The following CARMIL3 variants were observed in gnomAD, a reference collection of about 807,000 sequenced individuals.
CARMIL3 encodes the protein capping protein, Arp2/3 and myosin-I linker protein 3.
CARMIL3 carries 88 observed loss-of-function variants against 180.8 expected under a neutral mutation model. That is an observed-to-expected ratio of 0.49 (90% CI 0.41 to 0.58). The LOEUF (loss-of-function observed/expected upper bound fraction) is 0.58. CARMIL3 is among the 20% of genes least tolerant of loss of function. The probability of loss-of-function intolerance (pLI) is 0.00; values close to 1 mark genes in which losing one functional copy is unlikely to be tolerated. For synonymous variants in CARMIL3, 696 were observed against 714.5 expected (o/e 0.97, Z 0.41); for missense variants, 1,548 against 1,787.0 (o/e 0.87, Z 2.41).
intron 36 of CARMIL3, among the ~76,000 whole-genome samples, chr14:24,067,295 G>C (rs552368341): frequency 1.3e-5 from 2 of 152,344 alleles, no homozygotes; most frequent in South Asian, 4.1e-4. Context: ...AGCACCTTCC[G>C]CTTAGGGAGC....
chr14:24,058,745 G>A lies in CARMIL3; in HGVS notation c.1458G>A (p.Leu486=), dbSNP rs1481611148. ...QLGAVTCVGS[L]DLSDNGFDSD... ...GAGCTGTCACCTGTGTAGGCAGCCT[G>A]GATCTGTCAGACAATGGTGAGTAGT... Residue 486 remains leucine (L), a synonymous_variant, in exon 18 of 40, where the codon CTG becomes CTA. Transcript: ENST00000342740. This position sits in a 1 kb window ranked among gnomAD's most constrained non-coding sequence, Gnocchi z 6.4. 1 of 1,614,152 alleles carries A rather than the reference G, an allele frequency of 6.2e-7. No homozygotes were observed. The highest frequency in any genetic ancestry group is 8.5e-7 in the Non-Finnish European group (1 of 1,180,022).
intron 27 of CARMIL3, 44 bp from the exon 28 acceptor site, chr14:24,062,436 G>C: frequency 1.3e-6 from 2 of 1,543,296 alleles, no homozygotes; most frequent in Middle Eastern, 1.7e-4. Context: ...CCATGCGGGG[G>C]ACTGAGGTGC....
chr14:24,060,772 G>C lies in CARMIL3; in HGVS notation c.2190+16G>C, dbSNP rs2035725016. 4 of 1,611,024 alleles carry C rather than the reference G, an allele frequency of 2.5e-6. No homozygotes were observed. The highest frequency in any genetic ancestry group is 3.4e-6 in the Non-Finnish European group (4 of 1,178,312). ...CTCCCGGGCGGTGAGCCCTCCACAG[G>C]CTACCCTTCCCCTGAAGTCTGGAGA... is the stretch of plus-strand genomic sequence containing the variant. On this transcript the variant is annotated intron_variant, in intron 25 of 39. Coordinates refer to ENST00000342740, the MANE Select transcript of CARMIL3 (RefSeq NM_138360.4).
rs1216987840 is a variant in CARMIL3, at chr14:24,068,953, G to T, written c.3969G>T (p.Glu1323Asp). 6.4e-7 allele frequency: 1 copy of T among 1,562,676 alleles called. No homozygotes were observed. Among genetic ancestry groups the T allele is most frequent in the Non-Finnish European group, 8.7e-7 (1 of 1,152,690 alleles). Reference protein sequence around the residue: ...LRLSSQQDQEEPEVQGPPDPG... With the variant: ...LRLSSQQDQEDPEVQGPPDPG... Reference sequence around the variant, plus strand: ...TGAGCTCACAGCAAGACCAAGAGGAGCCCGAAGTCCAAGGTCTGCCACCCT... The same window carrying T: ...TGAGCTCACAGCAAGACCAAGAGGATCCCGAAGTCCAAGGTCTGCCACCCT... The change falls in exon 38 of 40, where the codon GAG (glutamate) becomes GAT (aspartate). Residue 1323 changes from glutamate (E) to aspartate (D), a missense_variant. Transcript: ENST00000342740.
In CARMIL3 at chr14:24,068,693, G is replaced by A; in HGVS notation, c.3792G>A (p.Arg1264=). 6.2e-7 allele frequency: 1 copy of A among 1,613,674 alleles called. No homozygotes were observed. The highest frequency in any genetic ancestry group is 8.5e-7 in the Non-Finnish European group (1 of 1,179,786). The stretch of plus-strand genomic sequence containing the variant: ...TCCCAGAGAGGACACTTCCAGCTAG[G>A]AATGCCAAGGTGAGAGCTGGCAAGA... ...TLFPERTLPA[R]NAKLQDPALA... is the part of the protein sequence containing the mutation. The change falls in exon 37 of 40, where the codon AGG becomes AGA. Residue 1264 remains arginine, a synonymous_variant. Coordinates refer to ENST00000342740, the MANE Select transcript of CARMIL3 (RefSeq NM_138360.4).
chr14:24,064,467 G>T, intron 32 of CARMIL3, 121 bp downstream of exon 32: 1 of 744,968 alleles, frequency 1.3e-6, no homozygotes, highest in South Asian at 1.5e-5. Context: ...GTCTCTGTGA[G>T]AAATTTCCCC....
At position 24,064,290 on chromosome 14, in the gene CARMIL3, C is replaced by T; in HGVS notation, c.3024C>T (p.Arg1008=). 6.2e-7 allele frequency: 1 copy of T among 1,613,144 alleles called. No homozygotes were observed. Among genetic ancestry groups the T allele is most frequent in the Non-Finnish European group, 8.5e-7 (1 of 1,179,604 alleles). The change falls in exon 32 of 40, where the codon CGC becomes CGT. Residue 1008 remains arginine (R), a synonymous_variant. Coordinates refer to ENST00000342740, the MANE Select transcript of CARMIL3 (RefSeq NM_138360.4). ...GTRQENGMAT[R]LDEGLEDFFS... Reference sequence around the variant, plus strand: ...GTCAGGAGAATGGGATGGCCACCCGCCTGGATGAAGGGCTGGAGGACTTCT... The same window carrying T: ...GTCAGGAGAATGGGATGGCCACCCGTCTGGATGAAGGGCTGGAGGACTTCT...
Position 24,069,252 on chromosome 14 carries a change from T to C in CARMIL3, c.4093+5T>C, listed in dbSNP as rs2035833300. The C allele has an allele frequency of 6.2e-7, 1 of 1,613,920 alleles. No individual in the cohort carries two copies. ...GACGGCCTCCTGACCCCACAGGTGCTGGTGGTGAGAGGGCAGGTCCCCCCT... is the reference window on the plus strand; with the variant it reads ...GACGGCCTCCTGACCCCACAGGTGCCGGTGGTGAGAGGGCAGGTCCCCCCT... On this transcript the variant is annotated splice_donor_5th_base_variant and intron_variant, in intron 39 of 39. Transcript: ENST00000342740.
intron 36 of CARMIL3, among the ~76,000 whole-genome samples, chr14:24,067,520 C>T (rs2035799227): frequency 6.6e-6 from 1 of 152,278 alleles, no homozygotes; most frequent in African/African-American, 2.4e-5. Context: ...ACATGCTCCC[C>T]ACTGTCCTAT....
rs2035698920 is a variant in CARMIL3 at position 24,058,640 on chromosome 14, C to T, written c.1393-40C>T. ...AAGCATTAAAGGTGCCCTACCCCCA[C>T]CCCAACCCCTGCCTTCCCTACCTCA... On this transcript the variant is annotated intron_variant, in intron 17 of 39. Coordinates refer to ENST00000342740, the MANE Select transcript of CARMIL3 (RefSeq NM_138360.4). The surrounding 1 kb of genome is among the most constrained non-coding windows in gnomAD (Gnocchi z 6.4). The T allele has an allele frequency of 6.3e-7, 1 of 1,589,964 alleles. No homozygotes were observed. Among genetic ancestry groups the T allele is most frequent in the Non-Finnish European group, 8.6e-7 (1 of 1,161,322 alleles).
intron 31 of CARMIL3, 120 bp downstream of exon 31, chr14:24,063,653 G>C (rs1416620577): frequency 1.6e-5 from 15 of 967,508 alleles, no homozygotes; most frequent in Non-Finnish European, 2.2e-5. Flanking sequence ...CAGGAGTCCA[G>C]GCATGCCAAT....
Position 24,058,762 on chromosome 14 carries a change from G to GT in CARMIL3, c.1474+2dup. On this transcript the variant is annotated splice_donor_variant, in intron 18 of 39. Coordinates refer to ENST00000342740, the MANE Select transcript of CARMIL3 (RefSeq NM_138360.4). LOFTEE classifies it high-confidence loss of function. The surrounding 1 kb of genome is among the most constrained non-coding windows in gnomAD (Gnocchi z 6.4). ...GGCAGCCTGGATCTGTCAGACAATG[G>GT]TGAGTAGTGGTTCCTCCCTTCCCTG... 1 of 1,614,130 alleles carries GT rather than the reference G, an allele frequency of 6.2e-7. No individual in the cohort carries two copies. The highest frequency in any genetic ancestry group is 8.5e-7 in the Non-Finnish European group (1 of 1,180,020).
In CARMIL3 at chr14:24,061,068, T is replaced by C; in HGVS notation, c.2304+28T>C. 1.9e-6 allele frequency: 3 copies of C among 1,540,406 alleles called. No individual in the cohort carries two copies. The highest frequency in any genetic ancestry group is 2.6e-6 in the Non-Finnish European group (3 of 1,137,124). On this transcript the variant is annotated intron_variant, in intron 26 of 39. Transcript: ENST00000342740. The surrounding 1 kb of genome is among the most constrained non-coding windows in gnomAD (Gnocchi z 4.1). Reference sequence around the variant, plus strand: ...AAGTCCTGGAGGAGGGAGGAATCCATGGTGGGAACCTAGTGTTGACTGAGG... The same window carrying C: ...AAGTCCTGGAGGAGGGAGGAATCCACGGTGGGAACCTAGTGTTGACTGAGG...
At chr14:24,065,804 C>A in intron 34 of CARMIL3, 54 bp downstream of exon 34, 4 of 1,586,974 alleles carry the variant, frequency 2.5e-6, no homozygotes, top group Non-Finnish European at 3.4e-6. Context: ...CTGTCCACCA[C>A]CCTCTCCTTC....
chr14:24,058,641 C>T lies in CARMIL3; in HGVS notation c.1393-39C>T, dbSNP rs780722198. 3 of 1,596,658 alleles carry T rather than the reference C, an allele frequency of 1.9e-6. No individual in the cohort carries two copies. Among genetic ancestry groups the T allele is most frequent in the Non-Finnish European group, 2.6e-6 (3 of 1,167,138 alleles). On this transcript the variant is annotated intron_variant, in intron 17 of 39. Coordinates refer to ENST00000342740, the MANE Select transcript of CARMIL3 (RefSeq NM_138360.4). The surrounding 1 kb of genome is among the most constrained non-coding windows in gnomAD (Gnocchi z 6.4). ...AGCATTAAAGGTGCCCTACCCCCAC[C>T]CCAACCCCTGCCTTCCCTACCTCAC... is the stretch of plus-strand genomic sequence containing the variant.
At chr14:24,056,560 CTG>C in intron 11 of CARMIL3, 60 bp from the exon 12 acceptor site, 1 of 1,567,188 alleles carries the variant, frequency 6.4e-7, no homozygotes, top group African/African-American at 1.4e-5. Flanking sequence ...CAACCTGACT[CTG>C]TGCCACCTGC....
At position 24,055,581 on chromosome 14, in the gene CARMIL3, A is replaced by C; in HGVS notation, c.644A>C (p.Gln215Pro). 6.2e-7 allele frequency: 1 copy of C among 1,614,062 alleles called. No individual in the cohort carries two copies. The highest frequency in any genetic ancestry group is 8.5e-7 in the Non-Finnish European group (1 of 1,180,002). ...ALMVAALAYNQWFTKLYCKDL... is the reference protein window; with the variant it reads ...ALMVAALAYNPWFTKLYCKDL... ...ATGGTAGCAGCCCTGGCCTACAACC[A>C]GTGGTTCACCAAACTCTACTGCAAG... Residue 215 changes from glutamine (Q) to proline (P), a missense_variant, in exon 9 of 40, where the codon CAG becomes CCG. Transcript: ENST00000342740.
rs772671862 is a variant in CARMIL3 at position 24,055,217 on chromosome 14, G to A, written c.532-20G>A. On this transcript the variant is annotated intron_variant, in intron 7 of 39. Transcript: ENST00000342740. ...AGAAGGAAGTGGGGAGCAGGTGTGA[G>A]CCAGTTCCACCTCTCCAAGGATGTG... 1 of 1,613,990 alleles carries A rather than the reference G, an allele frequency of 6.2e-7. No individual in the cohort carries two copies. Among genetic ancestry groups the A allele is most frequent in the Non-Finnish European group, 8.5e-7 (1 of 1,179,882 alleles).
At position 24,062,838 on chromosome 14, in the gene CARMIL3, AC is replaced by A; in HGVS notation, c.2700del (p.Asn901ThrfsTer71). On this transcript the variant is annotated frameshift_variant, in exon 29 of 40. Coordinates refer to ENST00000342740, the MANE Select transcript of CARMIL3 (RefSeq NM_138360.4). LOFTEE classifies it high-confidence loss of function. ...HEETTDDELG[T>X]NIDTMAIKKQ... ...GGAGACCACAGATGATGAACTTGGG[AC>A]CAACATTGTGAGCCCCCCGCTCCCT... 1 of 1,607,780 alleles carries A rather than the reference AC, an allele frequency of 6.2e-7. No homozygotes were observed. Among genetic ancestry groups the A allele is most frequent in the Non-Finnish European group, 8.5e-7 (1 of 1,177,364 alleles).
Sources: allele counts gnomAD v4.1 joint callset (sites outside exome capture counted in the v4.1 genomes callset), GRCh38; gene constraint gnomAD v4.1.1; non-coding constraint Gnocchi (gnomAD v3.1); transcripts MANE v1.5; gene names NCBI Gene and HGNC (gene_info 2026-07-23, HGNC 2026-07-21).